The following ATRX variants were observed in gnomAD, a reference collection of about 807,000 sequenced individuals.
ATRX encodes the protein ATRX chromatin remodeler, also known as chromatin remodeler ATRX.
ATRX carries 12 observed loss-of-function variants against 172.6 expected under a neutral mutation model. The observed-to-expected ratio is 0.07, with a 90% CI of 0.04 to 0.11. The LOEUF (loss-of-function observed/expected upper bound fraction) is 0.11. Among genes scored for constraint, ATRX ranks in the 10% least tolerant of loss-of-function variants. ATRX has a pLI of 1.00. For missense variants in ATRX, 1,368 were observed against 1,767.4 expected, an observed-to-expected ratio of 0.77 and a Z score of 4.05; for synonymous variants, 674 against 594.7, an observed-to-expected ratio of 1.13 and a Z score of -1.94.
At position 77,747,318 on chromosome X, in the gene ATRX, G is replaced by C. The variant is rs1426033089; in HGVS notation, c.21-30075C>G. Among the ~76,000 whole-genome samples, 3 of 110,326 alleles carry C rather than the reference G, an allele frequency of 2.7e-5. No homozygotes were observed. In the Admixed American group the frequency reaches 2.9e-4, roughly 11 times the overall value. On this transcript the variant is annotated intron_variant, in intron 1 of 34. Coordinates refer to ENST00000373344, the MANE Select transcript of ATRX (RefSeq NM_000489.6). ...GCAGGCAGATCACCTAAGGTCAGGA[G>C]ATCAGGACCAGCCTGGCCAACATGG...
At position 77,529,888 on chromosome X, in the gene ATRX, T is replaced by A. The variant is rs782263025; in HGVS notation, c.6700-6487A>T. Among the ~76,000 whole-genome samples the A allele has an allele frequency of 4.5e-5, 5 of 111,987 alleles. No homozygotes were observed. The South Asian group carries it at 1.9e-3, about 42-fold the overall frequency. ...TTAACACCCCTCTGACAATATTAGA[T>A]CATTGAGACAGAAAATTAACGAGGA... On this transcript the variant is annotated intron_variant, in intron 30 of 34. Coordinates refer to ENST00000373344, the MANE Select transcript of ATRX (RefSeq NM_000489.6).
rs2148143399 is a variant in ATRX at position 77,599,511 on chromosome X, A to T, written c.5856T>A (p.Val1952=). 8.3e-7 allele frequency: 1 copy of T among 1,210,555 alleles called. No individual in the cohort carries two copies. The highest frequency in any genetic ancestry group is 1.1e-6 in the Non-Finnish European group (1 of 895,068). ...SSSGSGSDND[V]EVIKVWNSRS... ...TTGAATTCCAGACCTTAATCACTTC[A>T]ACATCATTGTCACTGCCACTTCCAC... The change falls in exon 25 of 35, where the codon GTT becomes GTA. Residue 1952 remains valine (V), a synonymous_variant. Coordinates refer to ENST00000373344, the MANE Select transcript of ATRX (RefSeq NM_000489.6).
intron 34 of ATRX, among the ~76,000 whole-genome samples, chrX:77,515,991 A>G (rs1311139445): frequency 2.7e-5 from 3 of 111,889 alleles, no homozygotes; most frequent in Non-Finnish European, 5.6e-5. Context: ...ACCAAATACC[A>G]TATGTTTTCA....
chrX:77,732,174 CCACACTCA>C (rs1321426060), intron 1 of ATRX, among the ~76,000 whole-genome samples: 1 of 111,670 alleles, frequency 9.0e-6, no homozygotes, highest in Non-Finnish European at 1.9e-5. Flanking sequence ...CAGCTGGGTC[CCACACTCA>C]CTCGCTTGTG....
chrX:77,643,714 A>G (rs1327886760), intron 15 of ATRX, among the ~76,000 whole-genome samples: 1 of 111,040 alleles, frequency 9.0e-6, no homozygotes, highest in Non-Finnish European at 1.9e-5. Flanking sequence ...CACCACACGC[A>G]GCTACTTTTA....
At chrX:77,642,498 C>T (rs1271288796) in intron 15 of ATRX, among the ~76,000 whole-genome samples, 1 of 109,734 alleles carries the variant, frequency 9.1e-6, no homozygotes, top group Non-Finnish European at 1.9e-5. Context: ...CCAGGGAAAA[C>T]AACTTTCAAA....
chrX:77,552,122 A>T (rs182207037), intron 30 of ATRX, among the ~76,000 whole-genome samples: 1 of 111,627 alleles, frequency 9.0e-6, no homozygotes, highest in East Asian at 2.8e-4. Flanking sequence ...ATTACTGGGT[A>T]TATACCCAAA....
In ATRX at chrX:77,657,019, G is replaced by A. The variant is rs147042323; in HGVS notation, c.4121-366C>T. 7.0e-3 allele frequency among the ~76,000 whole-genome samples: 778 copies of A among 111,633 alleles called. 9 individuals are homozygous for A. Among genetic ancestry groups the A allele is most frequent in the African/African-American group, 0.024 (753 of 30,773 alleles). ...ACAAGCAAGGTAGGCTGGCCAAGAT[G>A]GAGTAAGATTACAGATTGTCTCCAC... On this transcript the variant is annotated intron_variant, in intron 12 of 34. Transcript: ENST00000373344.
intron 1 of ATRX, among the ~76,000 whole-genome samples, chrX:77,759,915 G>C (rs1557192005): frequency 1.8e-5 from 2 of 110,511 alleles, no homozygotes; most frequent in Non-Finnish European, 3.8e-5. Flanking sequence ...ACTATTATCA[G>C]TTCCATATGT....
intron 19 of ATRX, among the ~76,000 whole-genome samples, chrX:77,632,914 C>G (rs2068177747): frequency 8.9e-6 from 1 of 111,935 alleles, no homozygotes; most frequent in African/African-American, 3.2e-5. Flanking sequence ...ATTTGGATAG[C>G]TGGAAGAATC....
chrX:77,705,118 C>T (rs1263028098), intron 2 of ATRX, among the ~76,000 whole-genome samples: 3 of 111,068 alleles, frequency 2.7e-5, no homozygotes, highest in African/African-American at 9.8e-5. Flanking sequence ...CTCCTGCCTG[C>T]TCGTGGAGCA....
At chrX:77,572,192 T>G (rs1043884021) in intron 28 of ATRX, among the ~76,000 whole-genome samples, 1 of 111,174 alleles carries the variant, frequency 9.0e-6, no homozygotes, top group Non-Finnish European at 1.9e-5. Flanking sequence ...ATAATATACA[T>G]GTACAGGTTG....
Position 77,634,581 on chromosome X carries a change from C to A in ATRX, c.4809+13G>T, listed in dbSNP as rs2148349004. ...CACAAAAACAGGATACCTTCATATTCTTCAGCTCTTACCTGTAAAGTCTTA... is the reference window on the plus strand; with the variant it reads ...CACAAAAACAGGATACCTTCATATTATTCAGCTCTTACCTGTAAAGTCTTA... On this transcript the variant is annotated intron_variant, in intron 17 of 34. Coordinates refer to ENST00000373344, the MANE Select transcript of ATRX (RefSeq NM_000489.6). 1 of 1,167,444 alleles carries A rather than the reference C, an allele frequency of 8.6e-7. No individual in the cohort carries two copies. The highest frequency in any genetic ancestry group is 3.0e-5 in the East Asian group (1 of 33,618).
chrX:77,746,634 C>A (rs1325172565), intron 1 of ATRX, among the ~76,000 whole-genome samples: 1 of 111,758 alleles, frequency 8.9e-6, no homozygotes, highest in Admixed American at 9.5e-5. Context: ...TGGCAAATAT[C>A]CTGATTTTCT....
chrX:77,666,375 AG>A lies in ATRX; in HGVS notation c.3810-1598del, dbSNP rs782205424. Among the ~76,000 whole-genome samples the A allele has an allele frequency of 2.7e-5, 3 of 112,479 alleles. No individual in the cohort carries two copies. The Admixed American group carries it at 2.8e-4, about 11-fold the overall frequency. ...AGCTTTCTTAAAATGGGACAAATAC[AG>A]GGTTGCCAACTTTTCATTTTGCCAA... On this transcript the variant is annotated intron_variant, in intron 10 of 34. Transcript: ENST00000373344.
At chrX:77,646,801 T>G (rs1275256436) in intron 15 of ATRX, among the ~76,000 whole-genome samples, 1 of 109,526 alleles carries the variant, frequency 9.1e-6, no homozygotes, top group Non-Finnish European at 1.9e-5. Context: ...CATGCACCTA[T>G]GGTCCCAGCT....
intron 7 of ATRX, among the ~76,000 whole-genome samples, chrX:77,686,930 G>T (rs782345182): frequency 9.2e-6 from 1 of 108,400 alleles, no homozygotes; most frequent in Non-Finnish European, 1.9e-5. Flanking sequence ...GAGATGGGTG[G>T]ATCACTTGAG....
intron 1 of ATRX, among the ~76,000 whole-genome samples, chrX:77,723,017 G>A (rs1394560165): frequency 8.9e-6 from 1 of 111,873 alleles, no homozygotes; most frequent in Non-Finnish European, 1.9e-5. Context: ...CCATAAAAAA[G>A]GATGCGTTTA....
At chrX:77,549,492 T>C (rs1304083656) in intron 30 of ATRX, among the ~76,000 whole-genome samples, 4 of 112,633 alleles carry the variant, frequency 3.6e-5, no homozygotes, top group African/African-American at 1.3e-4. Context: ...TACATAAATG[T>C]TAACAGGTTA....
Sources: gnomAD v4.1 joint callset for allele counts (sites outside exome capture counted in the v4.1 genomes callset) on GRCh38, gnomAD v4.1.1 for gene constraint, MANE v1.5 for transcripts, NCBI Gene and HGNC (gene_info 2026-07-23, HGNC 2026-07-21) for gene names.